MMP1: variants seen among roughly 807,000 people sequenced by gnomAD.
The protein encoded by MMP1 is matrix metallopeptidase 1, also known as interstitial collagenase.
In MMP1, 51 loss-of-function variants were observed where a neutral mutation model predicts 49.6. The observed-to-expected ratio is 1.03, with a 90% confidence interval of 0.82 to 1.30. The LOEUF is 1.30. Among genes scored for constraint, MMP1 ranks in the 50% most tolerant of loss-of-function variants. The pLI is 0.00. For missense variants in MMP1, 623 were observed against 568.7 expected (o/e 1.10, Z -0.97); for synonymous variants, 230 against 196.8 (o/e 1.17, Z -1.41).
At chr11:102,797,610 T>C (rs1858236860) in intron 1 of MMP1, 110 bp from the exon 2 acceptor site, 2 of 1,388,428 alleles carry the variant, frequency 1.4e-6, no homozygotes, top group South Asian at 1.4e-5. Context: ...AAACCTTGTG[T>C]TTAGATTTCG....
At position 102,798,065 on chromosome 11, in the gene MMP1, GC is replaced by G. The variant is rs777199890; in HGVS notation, c.27del (p.Leu10CysfsTer15). 1.1e-4 allele frequency: 182 copies of G among 1,612,412 alleles called. No individual in the cohort carries two copies. The highest frequency in any genetic ancestry group is 1.5e-4 in the Non-Finnish European group (177 of 1,179,900). On this transcript the variant is annotated frameshift_variant, in exon 1 of 10. Transcript: ENST00000315274. LOFTEE classifies it high-confidence loss of function. ...TGAGACACCACACCCCAGAACAGCA[GC>G]AGCAGCAGTGGAGGAAAGCTGTGCA... MHSFPPLL[L>X]LLFWGVVSHS... is the part of the protein sequence containing the mutation.
chr11:102,790,705 T>C lies in MMP1; in HGVS notation c.1298A>G (p.Asp433Gly). 1 of 1,599,610 alleles carries C rather than the reference T, an allele frequency of 6.3e-7. No homozygotes were observed. Among genetic ancestry groups the C allele is most frequent in the Non-Finnish European group, 8.6e-7 (1 of 1,166,898 alleles). Reference protein sequence around the residue: ...GHKVDAVFMKDGFFYFFHGTR... With the variant: ...GHKVDAVFMKGGFFYFFHGTR... ...GAAATACATGTATATTCACTTACCATCTTTCATGAAAACTGCATCAACTTT... is the reference window on the plus strand; with the variant it reads ...GAAATACATGTATATTCACTTACCACCTTTCATGAAAACTGCATCAACTTT... Residue 433 changes from aspartate (D) to glycine (G), a missense_variant and splice_region_variant, in exon 9 of 10, where the codon GAT becomes GGT. Coordinates refer to ENST00000315274, the MANE Select transcript of MMP1 (RefSeq NM_002421.4).
chr11:102,791,295 AG>A (rs1164545512), intron 8 of MMP1, 37 bp downstream of exon 8: 4 of 1,610,596 alleles, frequency 2.5e-6, no homozygotes, highest in Non-Finnish European at 2.5e-6. Context: ...TTATGTAGAA[AG>A]AACTGAGGCC....
intron 6 of MMP1, 86 bp downstream of exon 6, chr11:102,795,088 T>C: frequency 9.4e-7 from 1 of 1,059,854 alleles, no homozygotes; most frequent in South Asian, 1.3e-5. Flanking sequence ...ATGAAATAAG[T>C]AACATGTGAA....
In MMP1 at chr11:102,790,871, C is replaced by T. The variant is rs540800130; in HGVS notation, c.1197-65G>A. 1.8e-5 allele frequency: 15 copies of T among 849,974 alleles called. No individual in the cohort carries two copies. In the East Asian group the frequency reaches 3.4e-4, roughly 19 times the overall value. 52.7% of individuals were successfully genotyped at this position (849,974 alleles called of 1,614,324 possible). ...AACATGTGCACTCTGAAAATCATTA[C>T]AGAAAATACACAATGAGGAATTTAA... On this transcript the variant is annotated intron_variant, in intron 8 of 9. Transcript: ENST00000315274.
Position 102,796,770 on chromosome 11 carries a change from A to G in MMP1, c.519T>C (p.Pro173=). The change falls in exon 4 of 10, where the codon CCT becomes CCC. Residue 173 remains proline, a synonymous_variant. Coordinates refer to ENST00000315274, the MANE Select transcript of MMP1 (RefSeq NM_002421.4). ...FVRGDHRDNS[P]FDGPGGNLAH... ...CAAGATTTCCTCCAGGTCCATCAAA[A>G]GGAGAGTTGTCCCGATGATCTGAAA... 1 of 1,613,818 alleles carries G rather than the reference A, an allele frequency of 6.2e-7. No individual in the cohort carries two copies. Among genetic ancestry groups the G allele is most frequent in the Non-Finnish European group, 8.5e-7 (1 of 1,179,914 alleles).
At chr11:102,791,185 T>C (rs1220110819) in intron 8 of MMP1, 148 bp downstream of exon 8, 16 of 761,954 alleles carry the variant, frequency 2.1e-5, no homozygotes, top group Non-Finnish European at 3.5e-5. Context: ...TATTGGTCAA[T>C]AGACTAAATA....
At chr11:102,797,903 C>G (rs1020709636) in intron 1 of MMP1, 85 bp downstream of exon 1, 1 of 1,016,136 alleles carries the variant, frequency 9.8e-7, no homozygotes, top group Non-Finnish European at 1.4e-6. Context: ...TATAAGAAAC[C>G]TATCCTTAAA....
intron 3 of MMP1, 97 bp downstream of exon 3, chr11:102,796,917 C>A (rs1858209010): frequency 6.5e-7 from 1 of 1,533,582 alleles, no homozygotes; most frequent in Admixed American, 1.9e-5. Context: ...CTCTTCGAGC[C>A]CATAAAATCA....
chr11:102,794,998 G>C lies in MMP1; in HGVS notation c.899+176C>G. 1.7e-6 allele frequency: 1 copy of C among 601,840 alleles called. No individual in the cohort carries two copies. Among genetic ancestry groups the C allele is most frequent in the Non-Finnish European group, 3.0e-6 (1 of 337,882 alleles). The allele number at this position is 601,840 out of a possible 1,614,324, so 37.3% of individuals were successfully genotyped here. A position where few individuals can be genotyped will look rare whatever the true frequency, so the allele number is the denominator to read the frequency against. ...AGAATCAGTTGACCTAATACATGTAGAAAAACAAAGTTGTTACAAGTACAT... is the reference window on the plus strand; with the variant it reads ...AGAATCAGTTGACCTAATACATGTACAAAAACAAAGTTGTTACAAGTACAT... On this transcript the variant is annotated intron_variant, in intron 6 of 9. Coordinates refer to ENST00000315274, the MANE Select transcript of MMP1 (RefSeq NM_002421.4). This position sits in a 1 kb window ranked among gnomAD's most constrained non-coding sequence, Gnocchi z 4.3.
intron 7 of MMP1, 130 bp from the exon 8 acceptor site, chr11:102,791,625 G>T: frequency 1.0e-6 from 1 of 973,424 alleles, no homozygotes; most frequent in Non-Finnish European, 1.5e-6. Flanking sequence ...CATCTAGGGA[G>T]ATTTTTGAAA....
chr11:102,792,475 T>C, intron 7 of MMP1, 130 bp downstream of exon 7: 1 of 907,798 alleles, frequency 1.1e-6, no homozygotes, highest in Non-Finnish European at 1.6e-6. Flanking sequence ...GGACTTTCAT[T>C]GATTTGGTTG....
At position 102,797,297 on chromosome 11, in the gene MMP1, A is replaced by T; in HGVS notation, c.309T>A (p.Thr103=). Residue 103 remains threonine, a synonymous_variant, in exon 2 of 10, where the codon ACT becomes ACA. Coordinates refer to ENST00000315274, the MANE Select transcript of MMP1 (RefSeq NM_002421.4). ...GVPDVAQFVL[T]EGNPRWEQTH... is the part of the protein sequence containing the mutation. ...TTTGCTCCCAGCGAGGGTTCCCCTC[A>T]GTGAGGACAAACTGAGCCACATCAG... The T allele has an allele frequency of 6.2e-7, 1 of 1,614,218 alleles. No homozygotes were observed. Among genetic ancestry groups the T allele is most frequent in the Non-Finnish European group, 8.5e-7 (1 of 1,180,040 alleles).
chr11:102,793,834 G>T (rs1439460240), intron 6 of MMP1, among the ~76,000 whole-genome samples: 1 of 152,220 alleles, frequency 6.6e-6, no homozygotes, highest in Non-Finnish European at 1.5e-5. Context: ...TATGTGGGCT[G>T]ACACAGAAGA....
Position 102,790,753 on chromosome 11 carries a change from T to C in MMP1, c.1250A>G (p.His417Arg), listed in dbSNP as rs1205742732. 2.5e-6 allele frequency: 4 copies of C among 1,613,576 alleles called. No individual in the cohort carries two copies. The highest frequency in any genetic ancestry group is 2.7e-5 in the African/African-American group (2 of 74,904). Residue 417 changes from histidine (H) to arginine (R), a missense_variant, in exon 9 of 10, where the codon CAT (histidine) becomes CGT (arginine). Transcript: ENST00000315274. ...TTTGTGGCCAATTCCAGGAAAGTCA[T>C]GTGCTATCATTTTGGGATAACCTGG... Reference protein sequence around the residue: ...MDPGYPKMIAHDFPGIGHKVD... With the variant: ...MDPGYPKMIARDFPGIGHKVD...
At position 102,794,090 on chromosome 11, in the gene MMP1, T is replaced by G. The variant is rs927540218; in HGVS notation, c.899+1084A>C. Among the ~76,000 whole-genome samples, 3 of 152,234 alleles carry G rather than the reference T, an allele frequency of 2.0e-5. No individual in the cohort carries two copies. ...ATTTGGTTTGATAGGTGTGTCCTGT[T>G]GTACTGAGAGGTTTCCTTTAAAACC... On this transcript the variant is annotated intron_variant, in intron 6 of 9. Coordinates refer to ENST00000315274, the MANE Select transcript of MMP1 (RefSeq NM_002421.4). This position sits in a 1 kb window ranked among gnomAD's most constrained non-coding sequence, Gnocchi z 4.3.
chr11:102,797,138 C>A lies in MMP1; in HGVS notation c.375G>T (p.Leu125Phe). ...TYRIENYTPD[L>F]PRADVDHAIE... ...TGGCATGGTCCACATCTGCTCTTGG[C>A]AAATCTGGCGTGTAATTTTCAATCC... The change falls in exon 3 of 10, where the codon TTG becomes TTT. Residue 125 changes from leucine (L) to phenylalanine (F), a missense_variant. Leu to Phe is a conservative substitution (Grantham distance 22). Transcript: ENST00000315274. The A allele has an allele frequency of 1.9e-6, 3 of 1,614,154 alleles. No homozygotes were observed. Among genetic ancestry groups the A allele is most frequent in the Non-Finnish European group, 1.7e-6 (2 of 1,180,020 alleles).
chr11:102,797,122 C>G lies in MMP1; in HGVS notation c.391G>C (p.Asp131His). 1 of 1,614,140 alleles carries G rather than the reference C, an allele frequency of 6.2e-7. No individual in the cohort carries two copies. Among genetic ancestry groups the G allele is most frequent in the African/African-American group, 1.3e-5 (1 of 75,040 alleles). The change falls in exon 3 of 10, where the codon GAC becomes CAC. Residue 131 changes from aspartate (D) to histidine (H), a missense_variant. By Grantham distance (81) the Asp-to-His change is moderately conservative. Coordinates refer to ENST00000315274, the MANE Select transcript of MMP1 (RefSeq NM_002421.4). ...YTPDLPRADV[D>H]HAIEKAFQLW... ...TGGAAGGCTTTCTCAATGGCATGGT[C>G]CACATCTGCTCTTGGCAAATCTGGC...
chr11:102,795,124 ATGT>A (rs750657171), intron 6 of MMP1, 47 bp downstream of exon 6: 3 of 1,326,268 alleles, frequency 2.3e-6, no homozygotes, highest in Admixed American at 3.4e-5. Flanking sequence ...ATAGTGGTGA[ATGT>A]TGTTATTATT....
Sources: allele counts gnomAD v4.1 joint callset (sites outside exome capture counted in the v4.1 genomes callset), GRCh38; gene constraint gnomAD v4.1.1; non-coding constraint Gnocchi (gnomAD v3.1); transcripts MANE v1.5; gene names NCBI Gene and HGNC (gene_info 2026-07-23, HGNC 2026-07-21).